IGFL2: variants seen among roughly 807,000 people sequenced by gnomAD.
IGFL2 encodes the protein insulin growth factor-like family member 2.
In IGFL2, 7 loss-of-function variants were observed where a neutral mutation model predicts 13.9. That is an observed-to-expected ratio of 0.51 (90% CI 0.29 to 0.95). IGFL2 has a LOEUF of 0.95. IGFL2 is among the 40% of genes least tolerant of loss of function. IGFL2 has a pLI of 0.08. For missense variants in IGFL2, 138 were observed against 147.8 expected, an observed-to-expected ratio of 0.93 and a Z score of 0.34; for synonymous variants, 55 against 55.8, an observed-to-expected ratio of 0.99 and a Z score of 0.07.
the IGFL2 span, chr19:46,209,335 G>C: frequency 6.6e-6 from 1 of 152,232 alleles, no homozygotes; most frequent in Non-Finnish European, 1.5e-5. Flanking sequence ...GCTTCCGCAT[G>C]GAGCTGCTTC....
chr19:46,177,186 G>A, the IGFL2 span, among the ~76,000 whole-genome samples: 1 of 151,796 alleles, frequency 6.6e-6, no homozygotes, highest in African/African-American at 2.4e-5. Flanking sequence ...TGCTTGAGGT[G>A]GAGTTCGAGA....
the IGFL2 span, among the ~76,000 whole-genome samples, chr19:46,181,936 C>A: frequency 6.6e-6 from 1 of 152,202 alleles, no homozygotes; most frequent in Non-Finnish European, 1.5e-5. Flanking sequence ...AGTCAGACAT[C>A]ATTTTCTTTC....
At chr19:46,103,662 G>A in the IGFL2 span, among the ~76,000 whole-genome samples, 1 of 152,188 alleles carries the variant, frequency 6.6e-6, no homozygotes, top group Non-Finnish European at 1.5e-5. Context: ...ATAGGAATAT[G>A]ACTAGACAGA....
chr19:46,210,627 G>T, the IGFL2 span, among the ~76,000 whole-genome samples: 3 of 152,168 alleles, frequency 2.0e-5, no homozygotes, highest in African/African-American at 7.2e-5. Flanking sequence ...GAAAGACGTA[G>T]GCTGGAAGCT....
the IGFL2 span, chr19:46,194,999 G>A: frequency 6.8e-6 from 1 of 146,612 alleles, no homozygotes; most frequent in Non-Finnish European, 1.5e-5. Context: ...ACAGGGATGA[G>A]CCACTGCATC....
chr19:46,186,446 G>A, the IGFL2 span, among the ~76,000 whole-genome samples: 1 of 152,218 alleles, frequency 6.6e-6, no homozygotes. Flanking sequence ...TATCGGTGTT[G>A]ACCCCATGCT....
the IGFL2 span, among the ~76,000 whole-genome samples, chr19:46,087,490 G>T: frequency 6.6e-6 from 1 of 152,202 alleles, no homozygotes; most frequent in Non-Finnish European, 1.5e-5. Context: ...GCCCCCAGAT[G>T]ATGTATGTAG....
the IGFL2 span, among the ~76,000 whole-genome samples, chr19:46,093,553 T>C: frequency 1.3e-5 from 2 of 152,126 alleles, no homozygotes; most frequent in Non-Finnish European, 2.9e-5. Context: ...TCCTAGCTAG[T>C]GTAATGAGGC....
the IGFL2 span, among the ~76,000 whole-genome samples, chr19:46,083,006 GCA>G: frequency 1.3e-5 from 2 of 152,176 alleles, no homozygotes; most frequent in Non-Finnish European, 2.9e-5. Flanking sequence ...TGGATTCAGT[GCA>G]TTTTATTGGC....
At chr19:46,178,466 T>A in the IGFL2 span, among the ~76,000 whole-genome samples, 7 of 152,352 alleles carry the variant, frequency 4.6e-5, no homozygotes, top group East Asian at 3.9e-4. Context: ...GCCATTTTTT[T>A]ATGGGAGAAA....
chr19:46,080,605 G>C, the IGFL2 span, among the ~76,000 whole-genome samples: 1 of 152,198 alleles, frequency 6.6e-6, no homozygotes, highest in African/African-American at 2.4e-5. Flanking sequence ...TTTCCAAAAA[G>C]AGGTTGAGAT....
At chr19:46,143,689 A>C (rs1007496382), upstream of IGFL2, among the ~76,000 whole-genome samples, 3 of 152,214 alleles carry the variant, frequency 2.0e-5, no homozygotes, top group Non-Finnish European at 4.4e-5. Flanking sequence ...TGTTGGTAAT[A>C]ACAATAGCTC....
the IGFL2 span, among the ~76,000 whole-genome samples, chr19:46,095,870 A>G: frequency 1.3e-5 from 2 of 152,062 alleles, no homozygotes; most frequent in African/African-American, 4.8e-5. Context: ...TGAGATCTCT[A>G]TTCTGTTCCA....
chr19:46,103,291 C>T, the IGFL2 span, among the ~76,000 whole-genome samples: 49 of 151,874 alleles, frequency 3.2e-4, no homozygotes, highest in South Asian at 1.3e-3. Flanking sequence ...AAAGCCTCGG[C>T]GATTTTGGAG....
chr19:46,134,174 CT>C, the IGFL2 span, among the ~76,000 whole-genome samples: 1 of 152,166 alleles, frequency 6.6e-6, no homozygotes, highest in Admixed American at 6.5e-5. Context: ...GTTCAACATT[CT>C]TTCTGGAATC....
chr19:46,157,435 A>G (rs1200951169), intron 1 of IGFL2, among the ~76,000 whole-genome samples: 2 of 152,230 alleles, frequency 1.3e-5, no homozygotes, highest in East Asian at 3.8e-4. Context: ...CATCATGCCT[A>G]TGTAGGGCTT....
chr19:46,138,870 C>CT (rs542186204), upstream of IGFL2, among the ~76,000 whole-genome samples: 136 of 152,240 alleles, frequency 8.9e-4, 2 homozygotes, highest in African/African-American at 2.4e-3. Flanking sequence ...CCAAAGCCAC[C>CT]TAGAGGAGCA....
the IGFL2 span, among the ~76,000 whole-genome samples, chr19:46,118,967 A>G: frequency 1.3e-5 from 2 of 152,114 alleles, no homozygotes; most frequent in African/African-American, 4.8e-5. Context: ...CAGGGAGTCC[A>G]GACTCCCTTA....
chr19:46,125,643 A>G, the IGFL2 span, among the ~76,000 whole-genome samples: 1 of 152,338 alleles, frequency 6.6e-6, no homozygotes, highest in East Asian at 1.9e-4. Context: ...AGCCTGTACC[A>G]TAGCCTTTGA....
Sources: allele counts gnomAD v4.1 joint callset (sites outside exome capture counted in the v4.1 genomes callset), GRCh38; gene constraint gnomAD v4.1.1; transcripts MANE v1.5; gene names NCBI Gene and HGNC (gene_info 2026-07-23, HGNC 2026-07-21).